NEIL2: variants seen among roughly 807,000 people sequenced by gnomAD.
NEIL2 encodes endonuclease 8-like 2.
NEIL2 carries 23 observed loss-of-function variants against 22.2 expected under a neutral mutation model. That is an observed-to-expected ratio of 1.04 (90% confidence interval 0.75 to 1.47). The LOEUF (loss-of-function observed/expected upper bound fraction) is 1.47, where lower values mean the gene tolerates loss of function less well. Ranked by LOEUF, NEIL2 falls within the 40% of genes most tolerant of loss-of-function variation. The pLI is 0.00. For missense variants in NEIL2, 583 were observed against 404.7 expected (o/e 1.44, Z -3.78); for synonymous variants, 229 against 164.8 (o/e 1.39, Z -2.99).
Position 11,786,311 on chromosome 8 carries a change from G to C in NEIL2, c.*38G>C. ...GCTCCTCACGGAACCTTGCCGCTTGGGGAACCTGACGTCTAAGTGTCCAGA... is the reference window on the plus strand; with the variant it reads ...GCTCCTCACGGAACCTTGCCGCTTGCGGAACCTGACGTCTAAGTGTCCAGA... On this transcript the variant is annotated 3_prime_UTR_variant, in exon 5 of 5. Coordinates refer to ENST00000284503, the MANE Select transcript of NEIL2 (RefSeq NM_145043.4). The C allele has an allele frequency of 6.3e-7, 1 of 1,588,792 alleles. No homozygotes were observed. Among genetic ancestry groups the C allele is most frequent in the Non-Finnish European group, 8.6e-7 (1 of 1,166,712 alleles).
At position 11,787,343 on chromosome 8, in the gene NEIL2, C is replaced by T. The variant is rs980046448; in HGVS notation, c.*1070C>T. The T allele has an allele frequency of 3.9e-5, 6 of 152,608 alleles. No individual in the cohort carries two copies. The highest frequency in any genetic ancestry group is 2.0e-4 in the Admixed American group (3 of 15,272). The allele number at this position is 152,608 out of a possible 1,614,324, so 9.5% of individuals were successfully genotyped here. ...CATGAAAATAAAGCTCACTGTTACT[C>T]GCTGTTTTTGTCTTTATTTGGTAGT... On this transcript the variant is annotated 3_prime_UTR_variant, in exon 5 of 5. Coordinates refer to ENST00000284503, the MANE Select transcript of NEIL2 (RefSeq NM_145043.4).
chr8:11,784,511 G>A (rs971713411), intron 4 of NEIL2, among the ~76,000 whole-genome samples: 4 of 152,218 alleles, frequency 2.6e-5, no homozygotes, highest in African/African-American at 7.2e-5. Flanking sequence ...TGGAGAGACT[G>A]ATGTGTGTAA....
chr8:11,776,181 G>C (rs1052733034), intron 2 of NEIL2, among the ~76,000 whole-genome samples: 3 of 152,222 alleles, frequency 2.0e-5, no homozygotes, highest in African/African-American at 7.2e-5. Flanking sequence ...AGGCAAAGGA[G>C]AAGCAAAGGC....
At chr8:11,784,160 C>A (rs925286411) in intron 4 of NEIL2, among the ~76,000 whole-genome samples, 3 of 152,218 alleles carry the variant, frequency 2.0e-5, no homozygotes, top group Non-Finnish European at 4.4e-5. Flanking sequence ...GCTCACCACC[C>A]TTCACGAGGG....
chr8:11,783,492 G>A, intron 4 of NEIL2, 93 bp downstream of exon 4: 2 of 1,056,102 alleles, frequency 1.9e-6, no homozygotes, highest in Non-Finnish European at 2.9e-6. Flanking sequence ...CACCCTAGTT[G>A]TGCCAGTGCT....
At chr8:11,779,978 G>A (rs1804271704) in intron 3 of NEIL2, 28 bp downstream of exon 3, 2 of 1,593,352 alleles carry the variant, frequency 1.3e-6, no homozygotes, top group African/African-American at 2.7e-5. Context: ...TGATTTTCGT[G>A]GGCTCTGATA....
At chr8:11,782,962 G>C in intron 3 of NEIL2, 3 of 568,588 alleles carry the variant, frequency 5.3e-6, no homozygotes, top group East Asian at 6.5e-5. Context: ...CTCTGACTAT[G>C]TTGTGGTAAT....
chr8:11,782,767 C>T (rs2645451), intron 3 of NEIL2: 263,223 of 268,920 alleles, frequency 0.98, 128,870 homozygotes, highest in Non-Finnish European at 1. Flanking sequence ...GCTCTGACTA[C>T]GTTGTGGTAA....
rs577868877 is a variant in NEIL2 at position 11,785,761 on chromosome 8, T to G, written c.689-202T>G. Among the ~76,000 whole-genome samples the G allele has an allele frequency of 4.6e-5, 7 of 152,288 alleles. No homozygotes were observed. In the South Asian group the frequency reaches 1.5e-3, roughly 32 times the overall value. Reference sequence around the variant, plus strand: ...TTGCCATGACGGGCCATGCATGAGTTTCATTTCATCTTCACAGCAACCTTA... The same window carrying G: ...TTGCCATGACGGGCCATGCATGAGTGTCATTTCATCTTCACAGCAACCTTA... On this transcript the variant is annotated intron_variant, in intron 4 of 4. Transcript: ENST00000284503.
chr8:11,780,074 G>A, intron 3 of NEIL2, 124 bp downstream of exon 3: 1 of 777,396 alleles, frequency 1.3e-6, no homozygotes, highest in Non-Finnish European at 2.1e-6. Context: ...GGGCCCTGCT[G>A]TCTTGGGGAG....
rs889801087 is a variant in NEIL2, at chr8:11,779,487, G to T, written c.139-111G>T. On this transcript the variant is annotated intron_variant, in intron 2 of 4. Coordinates refer to ENST00000284503, the MANE Select transcript of NEIL2 (RefSeq NM_145043.4). ...AGAGTCCAAAGACTTCATTTGGGAA[G>T]GCCCCCCAGGAGGGGTGAGAAGGAA... The T allele has an allele frequency of 3.0e-5, 27 of 892,696 alleles. No homozygotes were observed. The Middle Eastern group carries it at 1.3e-3, about 44-fold the overall frequency. The allele number at this position is 892,696 out of a possible 1,614,324, so 55.3% of individuals were successfully genotyped here. A position where few individuals can be genotyped will look rare whatever the true frequency, so the allele number is the denominator to read the frequency against.
intron 2 of NEIL2, among the ~76,000 whole-genome samples, chr8:11,778,685 C>G (rs890815144): frequency 5.9e-5 from 9 of 151,918 alleles, no homozygotes; most frequent in African/African-American, 2.2e-4. Context: ...GGCATGGTGG[C>G]TCATGCCTGG....
intron 2 of NEIL2, among the ~76,000 whole-genome samples, chr8:11,779,091 A>T (rs1455366837): frequency 1.3e-5 from 2 of 151,936 alleles, no homozygotes; most frequent in Non-Finnish European, 2.9e-5. Context: ...TCACTGATCA[A>T]TTTTTGTTTC....
At chr8:11,774,191 C>A (rs771702607) in intron 2 of NEIL2, among the ~76,000 whole-genome samples, 9 of 152,114 alleles carry the variant, frequency 5.9e-5, no homozygotes, top group Non-Finnish European at 1.0e-4. Flanking sequence ...GCCTGGCCAA[C>A]ATGTTAAACC....
chr8:11,771,617 T>C (rs778837402), intron 2 of NEIL2, 32 bp downstream of exon 2: 2 of 1,601,082 alleles, frequency 1.2e-6, no homozygotes, highest in South Asian at 1.1e-5. Context: ...GGGTTGGCTC[T>C]GTCGCCCATC....
At chr8:11,773,273 A>T (rs117587563) in intron 2 of NEIL2, among the ~76,000 whole-genome samples, 3 of 152,238 alleles carry the variant, frequency 2.0e-5, no homozygotes, top group Non-Finnish European at 4.4e-5. Context: ...GAACCCGTAG[A>T]CGGGACTGGG....
At position 11,781,113 on chromosome 8, in the gene NEIL2, A is replaced by G. The variant is rs1585772312; in HGVS notation, c.491+1163A>G. 2.6e-5 allele frequency among the ~76,000 whole-genome samples: 4 copies of G among 152,350 alleles called. No individual in the cohort carries two copies. In the South Asian group the frequency reaches 6.2e-4, roughly 24 times the overall value. The stretch of plus-strand genomic sequence containing the variant: ...CCCTTCTGCCCCCAGAGAAAGTCAC[A>G]TGCCTTCTATTTTCTGAAGTTTTAT... On this transcript the variant is annotated intron_variant, in intron 3 of 4. Transcript: ENST00000284503.
rs144214233 is a variant in NEIL2, at chr8:11,771,555, C to G, written c.108C>G (p.Ser36Arg). The G allele has an allele frequency of 6.3e-5, 101 of 1,613,954 alleles. No homozygotes were observed. The highest frequency in any genetic ancestry group is 8.1e-5 in the Non-Finnish European group (95 of 1,179,996). ...GGSSKKLQPA[S>R]LQSLWLQDTQ... ...GCAGTAAGAAGCTACAGCCCGCCAG[C>G]CTGCAGTCTCTGTGGCTCCAGGACA... The change falls in exon 2 of 5, where the codon AGC (serine) becomes AGG (arginine). Residue 36 changes from serine (S) to arginine (R), a missense_variant. By Grantham distance (110) the Ser-to-Arg change is moderately radical (BLOSUM62 -1). Transcript: ENST00000284503.
chr8:11,779,115 T>C (rs149516084), intron 2 of NEIL2, among the ~76,000 whole-genome samples: 338 of 152,274 alleles, frequency 2.2e-3, no homozygotes, highest in African/African-American at 7.9e-3. Flanking sequence ...ATCTAATTTT[T>C]ATTGATTACA....
Sources: gnomAD v4.1 joint callset for allele counts (sites outside exome capture counted in the v4.1 genomes callset) on GRCh38, gnomAD v4.1.1 for gene constraint, MANE v1.5 for transcripts, NCBI Gene and HGNC (gene_info 2026-07-23, HGNC 2026-07-21) for gene names.